Variants in SNX29 observed in about 807,000 individuals in gnomAD.
SNX29 encodes the protein sorting nexin-29.
SNX29 carries 78 observed loss-of-function variants against 102.1 expected under a neutral mutation model. That is an observed-to-expected ratio of 0.76 (90% CI 0.64 to 0.92). SNX29 has a LOEUF of 0.92. Ranked by LOEUF, SNX29 falls within the 40% of genes least tolerant of loss-of-function variation. The pLI, the probability that SNX29 is intolerant of heterozygous loss-of-function variation, is 0.00. For synonymous variants in SNX29, 580 were observed against 414.5 expected (o/e 1.40, Z -4.85); for missense variants, 1,280 against 1,061.7 (o/e 1.21, Z -2.86).
At chr16:12,207,791 G>A (rs1007275575) in intron 14 of SNX29, among the ~76,000 whole-genome samples, 3 of 152,128 alleles carry the variant, frequency 2.0e-5, no homozygotes, top group Non-Finnish European at 2.9e-5. Context: ...TGCTTGCTAC[G>A]AGCAGTAAGC....
intron 20 of SNX29, among the ~76,000 whole-genome samples, chr16:12,538,752 T>G (rs535642163): frequency 1.3e-5 from 2 of 151,898 alleles, no homozygotes; most frequent in East Asian, 1.9e-4. Context: ...CCCATATGGG[T>G]ATCATCCAAG....
At chr16:12,447,289 G>GC (rs758598152) in intron 18 of SNX29, among the ~76,000 whole-genome samples, 1 of 150,380 alleles carries the variant, frequency 6.6e-6, no homozygotes, top group Non-Finnish European at 1.5e-5. Flanking sequence ...CATCGGCTTA[G>GC]CATGAGCTTT....
chr16:12,070,823 A>G (rs973683464), intron 10 of SNX29, among the ~76,000 whole-genome samples: 1 of 151,880 alleles, frequency 6.6e-6, no homozygotes, highest in African/African-American at 2.4e-5. Flanking sequence ...ATTTCTCCAC[A>G]TCCAGCACCT....
At chr16:12,532,657 C>G (rs748403359) in intron 20 of SNX29, among the ~76,000 whole-genome samples, 5 of 152,176 alleles carry the variant, frequency 3.3e-5, no homozygotes, top group Non-Finnish European at 5.9e-5. Context: ...GTGGAATTGG[C>G]TGACATATGG....
chr16:12,062,881 A>G (rs2050838769), intron 9 of SNX29, among the ~76,000 whole-genome samples: 1 of 152,200 alleles, frequency 6.6e-6, no homozygotes, highest in South Asian at 2.1e-4. Flanking sequence ...AGTCAGATGC[A>G]GTACTAGCTC....
At chr16:12,518,129 T>C (rs901302490) in intron 19 of SNX29, among the ~76,000 whole-genome samples, 2 of 152,280 alleles carry the variant, frequency 1.3e-5, no homozygotes, top group African/African-American at 4.8e-5. Flanking sequence ...ATGGGAGCCA[T>C]TGAAGAATTC....
At chr16:12,103,359 A>G (rs764587290) in intron 11 of SNX29, among the ~76,000 whole-genome samples, 6 of 152,232 alleles carry the variant, frequency 3.9e-5, no homozygotes, top group Non-Finnish European at 8.8e-5. Flanking sequence ...GAACAGATAT[A>G]TAGACCAGTG....
At chr16:12,285,677 G>T (rs1045728081) in intron 15 of SNX29, among the ~76,000 whole-genome samples, 2 of 152,110 alleles carry the variant, frequency 1.3e-5, no homozygotes. Context: ...TCATAAATTG[G>T]CACCAATGGG....
intron 5 of SNX29, among the ~76,000 whole-genome samples, chr16:12,045,671 G>A (rs995052705): frequency 2.0e-5 from 3 of 147,284 alleles, no homozygotes; most frequent in South Asian, 2.1e-4. Context: ...TTGCTCTTTC[G>A]CCCAAGCTGG....
At chr16:12,412,709 T>C (rs559539832) in intron 18 of SNX29, among the ~76,000 whole-genome samples, 11 of 152,366 alleles carry the variant, frequency 7.2e-5, no homozygotes, top group African/African-American at 2.4e-4. Flanking sequence ...ACATTCAGAA[T>C]TATAATTTTT....
rs138617173 is a variant in SNX29 at position 12,020,488 on chromosome 16, A to C, written c.123-6832A>C. ...AATTGCTGGGATTGCAGGTGTGAGC[A>C]ACTGCGCCCCACCTGTTCTTAGATT... On this transcript the variant is annotated intron_variant, in intron 3 of 20. Coordinates refer to ENST00000566228, the MANE Select transcript of SNX29 (RefSeq NM_032167.5). 7.6e-3 allele frequency among the ~76,000 whole-genome samples: 1,145 copies of C among 149,856 alleles called. 9 individuals carry two copies. Among genetic ancestry groups the C allele is most frequent in the African/African-American group, 0.026 (1,075 of 40,840 alleles).
chr16:12,041,846 G>T (rs151011883), intron 4 of SNX29, among the ~76,000 whole-genome samples: 3 of 152,244 alleles, frequency 2.0e-5, no homozygotes, highest in Admixed American at 2.0e-4. Flanking sequence ...TGGAGCTTAG[G>T]ACGTCGATAT....
chr16:12,325,115 G>A (rs1025699049), intron 15 of SNX29, among the ~76,000 whole-genome samples: 14 of 152,066 alleles, frequency 9.2e-5, no homozygotes, highest in Non-Finnish European at 1.8e-4. Context: ...TTTGCCCTTC[G>A]CTAGCAATGT....
At chr16:12,108,003 A>G (rs1289079620) in intron 11 of SNX29, among the ~76,000 whole-genome samples, 1 of 152,110 alleles carries the variant, frequency 6.6e-6, no homozygotes, top group Non-Finnish European at 1.5e-5. Context: ...GAAATTTATT[A>G]GGAGTTGCTA....
At chr16:11,981,189 C>G (rs111518155) in intron 1 of SNX29, among the ~76,000 whole-genome samples, 8 of 152,010 alleles carry the variant, frequency 5.3e-5, no homozygotes, top group Non-Finnish European at 8.8e-5. Flanking sequence ...GGGCTGGTCT[C>G]GAACTCCTGG....
intron 13 of SNX29, among the ~76,000 whole-genome samples, chr16:12,194,038 A>G (rs181738748): frequency 2.6e-5 from 4 of 152,242 alleles, no homozygotes; most frequent in Admixed American, 2.6e-4. Context: ...TCCTGCTGGG[A>G]TTTTGATTGG....
At chr16:12,005,589 C>G (rs2151033328) in intron 3 of SNX29, among the ~76,000 whole-genome samples, 1 of 152,168 alleles carries the variant, frequency 6.6e-6, no homozygotes. Flanking sequence ...GTCTAAGTAT[C>G]CATGACTTCT....
chr16:12,429,753 A>T (rs976440890), intron 18 of SNX29, among the ~76,000 whole-genome samples: 1 of 152,204 alleles, frequency 6.6e-6, no homozygotes, highest in Non-Finnish European at 1.5e-5. Context: ...GTAGGGAACC[A>T]TGTTGCTCTT....
At chr16:12,463,826 G>C (rs1281670668) in intron 18 of SNX29, among the ~76,000 whole-genome samples, 10 of 149,106 alleles carry the variant, frequency 6.7e-5, no homozygotes, top group Non-Finnish European at 1.4e-4. Context: ...GAGTGTGTGT[G>C]TGTGTGTGTG....
Sources: allele counts gnomAD v4.1 joint callset (sites outside exome capture counted in the v4.1 genomes callset), GRCh38; gene constraint gnomAD v4.1.1; transcripts MANE v1.5; gene names NCBI Gene and HGNC (gene_info 2026-07-23, HGNC 2026-07-21).